The following UVRAG variants were observed in gnomAD, a reference collection of about 807,000 sequenced individuals.
The protein encoded by UVRAG is UV radiation resistance-associated gene protein.
A neutral mutation model predicts 78.0 loss-of-function variants in UVRAG; 19 were observed. The ratio of observed to expected loss-of-function variants is 0.24; its 90% confidence interval spans 0.17 to 0.36. The LOEUF (loss-of-function observed/expected upper bound fraction) is 0.36, where lower values mean the gene tolerates loss of function less well. UVRAG is among the 10% of genes least tolerant of loss of function. UVRAG has a pLI of 1.00. For missense variants in UVRAG, 740 were observed against 853.8 expected, an observed-to-expected ratio of 0.87 and a Z score of 1.66; for synonymous variants, 323 against 324.6, an observed-to-expected ratio of 1.00 and a Z score of 0.05.
intron 1 of UVRAG, among the ~76,000 whole-genome samples, chr11:75,827,796 C>T (rs1244105159): frequency 2.0e-5 from 3 of 152,134 alleles, no homozygotes; most frequent in African/African-American, 4.8e-5. Context: ...CTATTTCCTT[C>T]CTTAATTCCA....
At chr11:75,939,652 A>T (rs1380737178) in intron 6 of UVRAG, among the ~76,000 whole-genome samples, 1 of 152,064 alleles carries the variant, frequency 6.6e-6, no homozygotes, top group Non-Finnish European at 1.5e-5. Context: ...CCCCCTTCAG[A>T]TTGCTTTTTG....
intron 14 of UVRAG, among the ~76,000 whole-genome samples, chr11:76,119,937 C>T (rs772236879): frequency 2.2e-4 from 33 of 152,174 alleles, no homozygotes; most frequent in Admixed American, 5.2e-4. Flanking sequence ...TCATCTGATA[C>T]CACTCCCTTT....
intron 1 of UVRAG, among the ~76,000 whole-genome samples, chr11:75,834,533 G>GGCC (rs1353151047): frequency 5.9e-5 from 9 of 152,168 alleles, no homozygotes; most frequent in Admixed American, 3.9e-4. Context: ...CCATGCATGG[G>GGCC]GCCGGGCGCA....
chr11:75,910,431 G>A (rs1947709412), intron 5 of UVRAG, among the ~76,000 whole-genome samples: 2 of 151,300 alleles, frequency 1.3e-5, no homozygotes, highest in African/African-American at 4.9e-5. Flanking sequence ...TTGAAGGCTT[G>A]AATTGGACTC....
At chr11:75,895,467 T>C (rs1947321379) in intron 5 of UVRAG, among the ~76,000 whole-genome samples, 1 of 152,072 alleles carries the variant, frequency 6.6e-6, no homozygotes, top group Non-Finnish European at 1.5e-5. Context: ...CTTCCAGGAG[T>C]GTGTTGGACA....
intron 12 of UVRAG, among the ~76,000 whole-genome samples, chr11:76,045,669 C>A (rs1591172000): frequency 1.5e-5 from 2 of 131,276 alleles, no homozygotes; most frequent in South Asian, 2.4e-4. Context: ...AAAAATTCAA[C>A]AGAATGCTGG....
chr11:76,127,839 C>A (rs1952438114), intron 14 of UVRAG, among the ~76,000 whole-genome samples: 1 of 151,826 alleles, frequency 6.6e-6, no homozygotes, highest in Non-Finnish European at 1.5e-5. Flanking sequence ...TGCCTGTAAT[C>A]CCAGCTACTT....
At chr11:75,822,663 G>GT (rs534019074) in intron 1 of UVRAG, among the ~76,000 whole-genome samples, 17,272 of 137,102 alleles carry the variant, frequency 0.13, 1,108 homozygotes, top group East Asian at 0.23. Context: ...TGCACTTACT[G>GT]TTTTTTTTTT....
intron 12 of UVRAG, among the ~76,000 whole-genome samples, chr11:76,026,542 T>C (rs577348358): frequency 7.9e-5 from 12 of 152,292 alleles, no homozygotes; most frequent in Non-Finnish European, 1.6e-4. Flanking sequence ...TTAAATGCTA[T>C]GGCCTTCATT....
intron 13 of UVRAG, among the ~76,000 whole-genome samples, chr11:76,084,129 A>T (rs1181751896): frequency 6.6e-6 from 1 of 152,208 alleles, no homozygotes; most frequent in Non-Finnish European, 1.5e-5. Flanking sequence ...CATTTGCTTT[A>T]TAGTAATTCC....
chr11:75,892,695 A>G (rs1418439943), intron 5 of UVRAG, among the ~76,000 whole-genome samples: 1 of 152,188 alleles, frequency 6.6e-6, no homozygotes. Flanking sequence ...GGATAAGTTC[A>G]GCAGATCTTG....
intron 7 of UVRAG, among the ~76,000 whole-genome samples, chr11:75,962,833 T>G (rs1948934928): frequency 6.6e-6 from 1 of 152,192 alleles, no homozygotes; most frequent in Admixed American, 6.5e-5. Context: ...AATTAATTGT[T>G]GCATTAAATG....
chr11:75,935,793 G>T (rs1165552801), intron 6 of UVRAG, among the ~76,000 whole-genome samples: 2 of 152,006 alleles, frequency 1.3e-5, no homozygotes, highest in African/African-American at 4.8e-5. Flanking sequence ...CTACAAATAC[G>T]AACATCCTTC....
intron 14 of UVRAG, among the ~76,000 whole-genome samples, chr11:76,139,164 C>A (rs1020264707): frequency 2.0e-5 from 3 of 152,116 alleles, no homozygotes; most frequent in African/African-American, 7.2e-5. Context: ...GGATTAGAAG[C>A]CGTGTGGTTG....
Position 76,004,069 on chromosome 11 carries a change from G to A in UVRAG, c.891G>A (p.Arg297=). The part of the protein sequence containing the change: ...QLQKESLNEL[R]KECTAKRELF... ...AGAAGGAATCCCTAAATGAGCTGAG[G>A]AAGGAGTGCACTGCAAAAAGGTAAA... Residue 297 remains arginine (R), a synonymous_variant, in exon 9 of 15, where the codon AGG becomes AGA. Coordinates refer to ENST00000356136, the MANE Select transcript of UVRAG (RefSeq NM_003369.4). 1 of 1,613,924 alleles carries A rather than the reference G, an allele frequency of 6.2e-7. No individual in the cohort carries two copies. Among genetic ancestry groups the A allele is most frequent in the Non-Finnish European group, 8.5e-7 (1 of 1,179,878 alleles).
chr11:75,866,085 C>T (rs766684602), intron 3 of UVRAG, among the ~76,000 whole-genome samples: 52 of 151,992 alleles, frequency 3.4e-4, no homozygotes, highest in Non-Finnish European at 7.2e-4. Context: ...GGCAAAACCC[C>T]ATCTCTACCA....
In UVRAG at chr11:76,017,018, A is replaced by C. The variant is rs144447908; in HGVS notation, c.1226+38A>C. The C allele has an allele frequency of 8.0e-4, 1,193 of 1,487,866 alleles. 10 individuals carry two copies. The African/African-American group carries it at 0.015, about 19-fold the overall frequency. The allele number at this position is 1,487,866 out of a possible 1,614,324, so 92.2% of individuals were successfully genotyped here. ...TTTTTAAAAAAATGATTTTAACATC[A>C]AGCCAGTATAAAACATGGGGTATAA... On this transcript the variant is annotated intron_variant, in intron 12 of 14. Transcript: ENST00000356136.
rs1290194694 is a variant in UVRAG, at chr11:76,082,582, T to C, written c.1305+16794T>C. The stretch of plus-strand genomic sequence containing the variant: ...AAACATAGGTAACAATTTTTTAAAC[T>C]GTATAACACTATTTCATCAAATTCT... On this transcript the variant is annotated intron_variant, in intron 13 of 14. Transcript: ENST00000356136. 3.4e-5 allele frequency among the ~76,000 whole-genome samples: 5 copies of C among 149,044 alleles called. No individual in the cohort carries two copies. The East Asian group carries it at 6.0e-4, about 18-fold the overall frequency.
intron 7 of UVRAG, among the ~76,000 whole-genome samples, chr11:75,966,805 A>G (rs1949032904): frequency 6.6e-6 from 1 of 152,226 alleles, no homozygotes; most frequent in East Asian, 1.9e-4. Flanking sequence ...CCTGCAATGA[A>G]CATTGGCTCA....
Sources: gnomAD v4.1 joint callset for allele counts (sites outside exome capture counted in the v4.1 genomes callset) on GRCh38, gnomAD v4.1.1 for gene constraint, MANE v1.5 for transcripts, NCBI Gene and HGNC (gene_info 2026-07-23, HGNC 2026-07-21) for gene names.